Variants in ITIH5 observed in about 807,000 individuals in gnomAD.
ITIH5 encodes the protein inter-alpha-trypsin inhibitor heavy chain 5, also known as inter-alpha-trypsin inhibitor heavy chain H5.
A neutral mutation model predicts 77.5 loss-of-function variants in ITIH5; 65 were observed. That is an observed-to-expected ratio of 0.84 (90% CI 0.69 to 1.03). The LOEUF (loss-of-function observed/expected upper bound fraction) is 1.03, where lower values mean the gene tolerates loss of function less well. ITIH5 is among the 50% of genes least tolerant of loss of function. The pLI is 0.00. For missense variants in ITIH5, 1,208 were observed against 1,213.1 expected, an observed-to-expected ratio of 1.00 and a Z score of 0.06; for synonymous variants, 525 against 494.3, an observed-to-expected ratio of 1.06 and a Z score of -0.82.
At chr10:7,615,925 G>T in intron 7 of ITIH5, 57 bp downstream of exon 7, 1 of 1,082,426 alleles carries the variant, frequency 9.2e-7, no homozygotes, top group Non-Finnish European at 1.4e-6. Context: ...CGCAAAGCAA[G>T]TCATTGTCCC....
intron 5 of ITIH5, among the ~76,000 whole-genome samples, chr10:7,629,044 CGT>C (rs1386348087): frequency 2.2e-5 from 3 of 136,500 alleles, no homozygotes; most frequent in Admixed American, 1.5e-4. Context: ...CCTGTTGTAG[CGT>C]GTGTCCATGT....
chr10:7,662,573 A>G (rs1264067182), intron 1 of ITIH5, among the ~76,000 whole-genome samples: 2 of 152,220 alleles, frequency 1.3e-5, no homozygotes, highest in African/African-American at 4.8e-5. Flanking sequence ...TGATGACATG[A>G]TAAGCAAGAT....
intron 1 of ITIH5, among the ~76,000 whole-genome samples, chr10:7,656,746 C>CTTTTTTTT (rs34745417): frequency 8.9e-6 from 1 of 112,858 alleles, no homozygotes; most frequent in African/African-American, 3.5e-5. Flanking sequence ...GTCTATTTTT[C>CTTTTTTTT]TTTTTTTTTT....
chr10:7,624,363 G>A (rs1041148691), intron 5 of ITIH5, among the ~76,000 whole-genome samples: 2 of 151,390 alleles, frequency 1.3e-5, no homozygotes, highest in African/African-American at 2.4e-5. Context: ...CAAACTTAGC[G>A]GGACATGGTG....
chr10:7,652,162 A>G (rs12779940), intron 2 of ITIH5, among the ~76,000 whole-genome samples: 36,200 of 152,086 alleles, frequency 0.24, 4,393 homozygotes, highest in Non-Finnish European at 0.26. Flanking sequence ...GTGTGTATGT[A>G]TGCCAGGGAG....
chr10:7,584,299 C>CTTT (rs59425820), intron 8 of ITIH5, among the ~76,000 whole-genome samples: 1 of 141,204 alleles, frequency 7.1e-6, no homozygotes, highest in African/African-American at 2.6e-5. Context: ...TTCTTTCTTT[C>CTTT]TTTTTTTTTT....
At chr10:7,661,698 T>C (rs976151351) in intron 1 of ITIH5, among the ~76,000 whole-genome samples, 26 of 152,326 alleles carry the variant, frequency 1.7e-4, no homozygotes, top group Admixed American at 6.5e-4. Flanking sequence ...TCCAGAAAGA[T>C]TGTTTTTTAA....
chr10:7,666,782 G>A, intron 1 of ITIH5, 21 bp downstream of exon 1: 1 of 1,590,172 alleles, frequency 6.3e-7, no homozygotes, highest in Non-Finnish European at 8.6e-7. Flanking sequence ...CCGGGACCCG[G>A]CTCCCCTCGG....
chr10:7,563,501 G>T, intron 13 of ITIH5, 117 bp from the exon 14 acceptor site: 2 of 801,708 alleles, frequency 2.5e-6, no homozygotes, highest in Non-Finnish European at 2.0e-6. Context: ...CCCGAGACTG[G>T]ACTCTCCCAG....
chr10:7,663,104 T>G (rs1384821074), intron 1 of ITIH5, among the ~76,000 whole-genome samples: 2 of 152,252 alleles, frequency 1.3e-5, no homozygotes, highest in African/African-American at 4.8e-5. Context: ...TTCAACTAAA[T>G]TATAAAAGTG....
intron 11 of ITIH5, chr10:7,570,070 G>A (rs192320320): frequency 4.3e-6 from 1 of 233,862 alleles, no homozygotes; most frequent in Non-Finnish European, 8.2e-6. Context: ...TAAGCTTTGA[G>A]AGGTGAGAGG....
chr10:7,640,169 A>AAAAC (rs1833861073), intron 4 of ITIH5, among the ~76,000 whole-genome samples: 1 of 150,460 alleles, frequency 6.6e-6, no homozygotes, highest in Non-Finnish European at 1.5e-5. Context: ...AAAAAAAAAA[A>AAAAC]AACTACGTAC....
chr10:7,580,115 C>T, intron 8 of ITIH5, 51 bp from the exon 9 acceptor site: 1 of 1,419,640 alleles, frequency 7.0e-7, no homozygotes, highest in Non-Finnish European at 9.6e-7. Context: ...CACCTCCGCA[C>T]TCTGATTGCA....
intron 7 of ITIH5, among the ~76,000 whole-genome samples, chr10:7,614,134 AAGAC>A (rs1209181931): frequency 6.6e-6 from 1 of 152,216 alleles, no homozygotes; most frequent in African/African-American, 2.4e-5. Context: ...TTTTCAGACA[AAGAC>A]AGAGAATTAT....
chr10:7,603,881 C>G (rs1458635097), intron 7 of ITIH5, among the ~76,000 whole-genome samples: 2 of 152,184 alleles, frequency 1.3e-5, no homozygotes, highest in Non-Finnish European at 2.9e-5. Flanking sequence ...CCACGCCCGG[C>G]CTGATATGGG....
intron 5 of ITIH5, chr10:7,620,412 G>A (rs954591809): frequency 3.9e-5 from 6 of 152,202 alleles, no homozygotes; most frequent in Non-Finnish European, 7.3e-5. Flanking sequence ...ATGGCAACTG[G>A]AGTAGAACAC....
At position 7,589,183 on chromosome 10, in the gene ITIH5, C is replaced by T. The variant is rs527708655; in HGVS notation, c.940-3114G>A. On this transcript the variant is annotated intron_variant, in intron 7 of 13. Transcript: ENST00000397146. The stretch of plus-strand genomic sequence containing the variant: ...TTGCAGAAGGCACTCAGGTGCCGGG[C>T]GCAGTGGCTCACACCTGTAATCCCA... 8.5e-5 allele frequency among the ~76,000 whole-genome samples: 13 copies of T among 152,336 alleles called. No individual in the cohort carries two copies. In the South Asian group the frequency reaches 1.2e-3, roughly 15 times the overall value.
chr10:7,620,069 G>A (rs770620717), intron 5 of ITIH5: 3 of 152,168 alleles, frequency 2.0e-5, no homozygotes, highest in African/African-American at 4.8e-5. Context: ...TACTCAGGAG[G>A]CTGAGGCAGG....
At chr10:7,608,027 G>C (rs1364782731) in intron 7 of ITIH5, among the ~76,000 whole-genome samples, 1 of 152,208 alleles carries the variant, frequency 6.6e-6, no homozygotes, top group Non-Finnish European at 1.5e-5. Context: ...GACGCTCTCT[G>C]TTGTCGATTT....
Sources: allele counts gnomAD v4.1 joint callset (sites outside exome capture counted in the v4.1 genomes callset), GRCh38; gene constraint gnomAD v4.1.1; transcripts MANE v1.5; gene names NCBI Gene and HGNC (gene_info 2026-07-23, HGNC 2026-07-21).